SGCD: variants seen among roughly 807,000 people sequenced by gnomAD.
SGCD encodes the protein sarcoglycan delta.
In SGCD, 18 loss-of-function variants were observed where a neutral mutation model predicts 36.6. The observed-to-expected ratio is 0.49, with a 90% CI of 0.34 to 0.73. The LOEUF is 0.73. Among genes scored for constraint, SGCD ranks in the 30% least tolerant of loss-of-function variants. The pLI, the probability that SGCD is intolerant of heterozygous loss-of-function variation, is 0.01. For synonymous variants in SGCD, 133 were observed against 130.6 expected (o/e 1.02, Z -0.12); for missense variants, 387 against 346.7 (o/e 1.12, Z -0.92).
intron 3 of SGCD, among the ~76,000 whole-genome samples, chr5:156,446,737 TA>T (rs1327944439): frequency 6.6e-6 from 1 of 152,098 alleles, no homozygotes; most frequent in African/African-American, 2.4e-5. Flanking sequence ...TACCCTTTGG[TA>T]AAATTCCTGG....
At chr5:156,014,845 A>G (rs1178322361) in intron 1 of SGCD, among the ~76,000 whole-genome samples, 1 of 152,144 alleles carries the variant, frequency 6.6e-6, no homozygotes, top group Non-Finnish European at 1.5e-5. Flanking sequence ...GTTACTTTCT[A>G]TAGCGTTTTG....
chr5:156,217,125 C>T (rs191565980), intron 3 of SGCD, among the ~76,000 whole-genome samples: 68 of 152,054 alleles, frequency 4.5e-4, no homozygotes, highest in African/African-American at 1.5e-3. Flanking sequence ...AAATGAATGT[C>T]GCATGTTAAT....
intron 1 of SGCD, among the ~76,000 whole-genome samples, chr5:156,070,177 A>C (rs1297251355): frequency 6.7e-6 from 1 of 149,328 alleles, no homozygotes; most frequent in Non-Finnish European, 1.5e-5. Context: ...GTTGAATAGG[A>C]GCGGTGAGAG....
At chr5:156,011,667 T>C (rs1287001400) in intron 1 of SGCD, among the ~76,000 whole-genome samples, 1 of 152,208 alleles carries the variant, frequency 6.6e-6, no homozygotes, top group East Asian at 1.9e-4. Flanking sequence ...CTGGAACTCC[T>C]GACCTCGTGA....
intron 7 of SGCD, among the ~76,000 whole-genome samples, chr5:156,696,459 T>C (rs1581414231): frequency 6.6e-6 from 1 of 152,190 alleles, no homozygotes; most frequent in East Asian, 1.9e-4. Context: ...GACTATACCA[T>C]GTTTGAGGGC....
intron 7 of SGCD, among the ~76,000 whole-genome samples, chr5:156,712,880 G>A (rs1755055363): frequency 6.6e-6 from 1 of 152,066 alleles, no homozygotes; most frequent in South Asian, 2.1e-4. Context: ...TTAAACCAGT[G>A]GGAAACTGAT....
chr5:156,111,459 G>A (rs1330310610), intron 1 of SGCD, among the ~76,000 whole-genome samples: 2 of 152,178 alleles, frequency 1.3e-5, no homozygotes, highest in African/African-American at 2.4e-5. Flanking sequence ...TTTTTAAGAA[G>A]CTCTTTTCAT....
intron 3 of SGCD, among the ~76,000 whole-genome samples, chr5:156,477,274 G>T (rs971824504): frequency 6.6e-6 from 1 of 152,130 alleles, no homozygotes; most frequent in Non-Finnish European, 1.5e-5. Context: ...GGTACATTGA[G>T]CAAGTGAGAC....
chr5:155,932,533 A>T (rs972516265), intron 1 of SGCD, among the ~76,000 whole-genome samples: 3 of 152,208 alleles, frequency 2.0e-5, no homozygotes, highest in African/African-American at 4.8e-5. Context: ...GTTTTAGTTC[A>T]TAGATACTTT....
chr5:156,045,370 A>G (rs1161013952), intron 1 of SGCD, among the ~76,000 whole-genome samples: 1 of 152,114 alleles, frequency 6.6e-6, no homozygotes, highest in African/African-American at 2.4e-5. Context: ...TCCTTCTATA[A>G]TCTACACTTT....
intron 1 of SGCD, among the ~76,000 whole-genome samples, chr5:155,944,333 T>G (rs1349308348): frequency 2.0e-5 from 3 of 152,226 alleles, no homozygotes; most frequent in African/African-American, 7.2e-5. Flanking sequence ...ATCACATTCT[T>G]ATGAACGATG....
chr5:155,774,889 T>C, the SGCD span, among the ~76,000 whole-genome samples: 1 of 152,158 alleles, frequency 6.6e-6, no homozygotes, highest in South Asian at 2.1e-4. Flanking sequence ...CCCTACCAGT[T>C]TATGCATCCA....
At chr5:156,375,683 C>T (rs984364871) in intron 3 of SGCD, among the ~76,000 whole-genome samples, 23 of 152,160 alleles carry the variant, frequency 1.5e-4, no homozygotes, top group Non-Finnish European at 2.8e-4. Context: ...TGCATTCACT[C>T]CTTGAAGATG....
chr5:155,912,539 G>A (rs892483870), intron 1 of SGCD, among the ~76,000 whole-genome samples: 2 of 152,256 alleles, frequency 1.3e-5, no homozygotes, highest in Middle Eastern at 3.4e-3. Context: ...TCCGTGTGCG[G>A]CAACCACACA....
intron 7 of SGCD, among the ~76,000 whole-genome samples, chr5:156,718,881 T>TC (rs1755350351): frequency 6.6e-6 from 1 of 150,616 alleles, no homozygotes; most frequent in Non-Finnish European, 1.5e-5. Flanking sequence ...CTACGTATTA[T>TC]ATTATATATA....
intron 1 of SGCD, among the ~76,000 whole-genome samples, chr5:156,040,923 A>T (rs1255318113): frequency 2.0e-5 from 3 of 152,196 alleles, no homozygotes; most frequent in Non-Finnish European, 4.4e-5. Flanking sequence ...TTGATTTTAT[A>T]GTAGCCTATT....
At chr5:155,981,722 C>A (rs1049979768) in intron 1 of SGCD, among the ~76,000 whole-genome samples, 2 of 152,164 alleles carry the variant, frequency 1.3e-5, no homozygotes, top group African/African-American at 4.8e-5. Context: ...CCCATTCCTA[C>A]AATGAATCTG....
intron 3 of SGCD, among the ~76,000 whole-genome samples, chr5:156,193,522 G>A (rs1010152581): frequency 2.0e-5 from 3 of 152,154 alleles, no homozygotes; most frequent in South Asian, 4.1e-4. Flanking sequence ...CAGCTGATAT[G>A]TCCTAACATG....
At chr5:156,229,297 T>TATACACATATATATATATATATAA (rs1554085621) in intron 3 of SGCD, among the ~76,000 whole-genome samples, 1 of 119,880 alleles carries the variant, frequency 8.3e-6, no homozygotes, top group African/African-American at 3.2e-5. Context: ...TATATATATA[T>TATACACATATATATATATATATAA]ATAAAATTAG....
Sources: gnomAD v4.1 joint callset for allele counts (sites outside exome capture counted in the v4.1 genomes callset) on GRCh38, gnomAD v4.1.1 for gene constraint, MANE v1.5 for transcripts, NCBI Gene and HGNC (gene_info 2026-07-23, HGNC 2026-07-21) for gene names.